Variants in PCDH15 observed in about 807,000 individuals in gnomAD.
PCDH15 encodes protocadherin related 15.
In PCDH15, 129 loss-of-function variants were observed where a neutral mutation model predicts 178.5. That is an observed-to-expected ratio of 0.72 (90% CI 0.63 to 0.84). The LOEUF (loss-of-function observed/expected upper bound fraction) is 0.84. Ranked by LOEUF, PCDH15 falls within the 40% of genes least tolerant of loss-of-function variation. The pLI is 0.00. For missense variants in PCDH15, 2,230 were observed against 2,099.9 expected, an observed-to-expected ratio of 1.06 and a Z score of -1.21; for synonymous variants, 800 against 732.0, an observed-to-expected ratio of 1.09 and a Z score of -1.50.
chr10:55,567,660 T>A (rs767101031), intron 2 of PCDH15, among the ~76,000 whole-genome samples: 1 of 151,926 alleles, frequency 6.6e-6, no homozygotes, highest in Non-Finnish European at 1.5e-5. Context: ...AAAGAAGATA[T>A]ACAAATGGCA....
chr10:54,028,669 T>C (rs1430541199), intron 18 of PCDH15, among the ~76,000 whole-genome samples: 1 of 148,520 alleles, frequency 6.7e-6, no homozygotes, highest in African/African-American at 2.5e-5. Context: ...ATCATCATTC[T>C]CAGTAAACTA....
chr10:54,264,744 T>C (rs2057557812), intron 8 of PCDH15, among the ~76,000 whole-genome samples: 1 of 152,056 alleles, frequency 6.6e-6, no homozygotes, highest in Non-Finnish European at 1.5e-5. Flanking sequence ...GACAAAGCCT[T>C]CAAGAAATAT....
intron 2 of PCDH15, among the ~76,000 whole-genome samples, chr10:54,918,133 CTTG>C (rs1307651556): frequency 6.6e-6 from 1 of 152,024 alleles, no homozygotes; most frequent in East Asian, 1.9e-4. Context: ...GCTTTTCTAG[CTTG>C]TTAAGGCCTT....
rs184987675 is a variant in PCDH15, at chr10:55,593,658, G to A, written c.-156+33967C>T. Among the ~76,000 whole-genome samples the A allele has an allele frequency of 4.6e-5, 7 of 151,748 alleles. No homozygotes were observed. In the East Asian group the frequency reaches 1.4e-3, roughly 29 times the overall value. The stretch of plus-strand genomic sequence containing the variant: ...TAGCTTTTTTTTTAACAGTATAGAA[G>A]TATTGTGTGATGACTTATCTTATCA... On this transcript the variant is annotated intron_variant, in intron 2 of 5. Coordinates refer to the PCDH15 transcript ENST00000613346.
intron 2 of PCDH15, among the ~76,000 whole-genome samples, chr10:55,617,510 C>A (rs1589190123): frequency 6.6e-6 from 1 of 151,964 alleles, no homozygotes; most frequent in African/African-American, 2.4e-5. Flanking sequence ...TAGAATTATA[C>A]CATCAAACAT....
At chr10:54,342,137 C>T (rs556127341) in intron 6 of PCDH15, among the ~76,000 whole-genome samples, 3 of 152,090 alleles carry the variant, frequency 2.0e-5, no homozygotes, top group East Asian at 1.9e-4. Flanking sequence ...GCATAAGTAA[C>T]GAGGAACCAA....
intron 2 of PCDH15, among the ~76,000 whole-genome samples, chr10:55,343,193 C>A (rs551995975): frequency 6.6e-6 from 1 of 152,176 alleles, no homozygotes; most frequent in East Asian, 1.9e-4. Flanking sequence ...AGGAGAAATT[C>A]TTGAAGGCAG....
chr10:54,100,397 A>C (rs925079656), intron 15 of PCDH15, among the ~76,000 whole-genome samples: 1 of 152,108 alleles, frequency 6.6e-6, no homozygotes, highest in Non-Finnish European at 1.5e-5. Flanking sequence ...CAATAAATTA[A>C]TTTAATAGTT....
chr10:54,697,363 G>T (rs1353119364), intron 1 of PCDH15, among the ~76,000 whole-genome samples: 1 of 151,214 alleles, frequency 6.6e-6, no homozygotes, highest in Non-Finnish European at 1.5e-5. Context: ...TTATTTACAG[G>T]TATATCTGCA....
intron 2 of PCDH15, among the ~76,000 whole-genome samples, chr10:55,044,867 T>C (rs1243035380): frequency 1.3e-5 from 2 of 152,096 alleles, no homozygotes; most frequent in South Asian, 2.1e-4. Context: ...CCACCCTCAA[T>C]GGACTCATCC....
chr10:54,328,550 G>A (rs1306985707), intron 7 of PCDH15, among the ~76,000 whole-genome samples: 8 of 152,064 alleles, frequency 5.3e-5, no homozygotes, highest in Admixed American at 2.0e-4. Context: ...CTCAACCTTC[G>A]TTCCTATTAT....
chr10:53,947,671 G>A (rs36074661), intron 23 of PCDH15, among the ~76,000 whole-genome samples: 1 of 152,004 alleles, frequency 6.6e-6, no homozygotes, highest in South Asian at 2.1e-4. Flanking sequence ...CATGAATCAG[G>A]AGAGAGATGC....
intron 2 of PCDH15, among the ~76,000 whole-genome samples, chr10:55,094,542 A>G (rs536113715): frequency 1.3e-5 from 2 of 152,240 alleles, no homozygotes; most frequent in East Asian, 3.9e-4. Flanking sequence ...AAAGTATAAT[A>G]AAAAATAAAT....
intron 3 of PCDH15, among the ~76,000 whole-genome samples, chr10:54,500,010 C>A (rs958863039): frequency 4.6e-5 from 7 of 152,148 alleles, no homozygotes; most frequent in South Asian, 2.1e-4. Context: ...TTCATTGCAG[C>A]AGTATTCACT....
intron 26 of PCDH15, among the ~76,000 whole-genome samples, chr10:53,901,495 G>A (rs934955386): frequency 2.6e-5 from 4 of 152,128 alleles, no homozygotes; most frequent in East Asian, 1.9e-4. Flanking sequence ...TCCTGGACTC[G>A]TCATGCATTA....
Position 55,032,602 on chromosome 10 carries a change from T to C in PCDH15, c.-80+133974A>G, listed in dbSNP as rs147373166. On this transcript the variant is annotated intron_variant, in intron 2 of 5. Coordinates refer to the PCDH15 transcript ENST00000458638. ...AAGGAAAGCAAAATGTAAAAATCTG[T>C]AAAATTCCCAGGCTGGCCACATAAA... Among the ~76,000 whole-genome samples the C allele has an allele frequency of 8.5e-5, 13 of 152,274 alleles. No homozygotes were observed. In the East Asian group the frequency reaches 2.5e-3, roughly 29 times the overall value.
At chr10:54,408,166 T>TAAA (rs200788397) in intron 3 of PCDH15, among the ~76,000 whole-genome samples, 19 of 148,204 alleles carry the variant, frequency 1.3e-4, no homozygotes, top group African/African-American at 4.4e-4. Context: ...GCTGTTTTTT[T>TAAA]AAAAAAAAAA....
intron 2 of PCDH15, among the ~76,000 whole-genome samples, chr10:55,127,879 C>G (rs1591924005): frequency 6.6e-6 from 1 of 152,102 alleles, no homozygotes; most frequent in Middle Eastern, 3.4e-3. Flanking sequence ...GGACATGCTT[C>G]TATTTGCTTA....
chr10:55,008,252 G>A (rs1211428062), intron 2 of PCDH15, among the ~76,000 whole-genome samples: 2 of 148,322 alleles, frequency 1.3e-5, no homozygotes, highest in African/African-American at 2.5e-5. Context: ...ATAAATCTTT[G>A]AAAAAAAAAA....
Sources: allele counts gnomAD v4.1 joint callset (sites outside exome capture counted in the v4.1 genomes callset), GRCh38; gene constraint gnomAD v4.1.1; transcripts MANE v1.5; gene names NCBI Gene and HGNC (gene_info 2026-07-23, HGNC 2026-07-21).